Variants in PWP2 observed in about 807,000 individuals in gnomAD.
PWP2 encodes the protein periodic tryptophan protein 2 homolog.
For missense variants in PWP2, 35 were observed against 114.1 expected (o/e 0.31, Z 3.16); for synonymous variants, 24 against 45.4 (o/e 0.53, Z 1.89).
intron 20 of PWP2, among the ~76,000 whole-genome samples, chr21:44,128,922 G>A (rs1326748564): frequency 1.3e-5 from 1 of 74,430 alleles, no homozygotes; most frequent in African/African-American, 2.9e-5. Context: ...TGCCGCATTC[G>A]TAGGACCAGG....
intron 1 of PWP2, 63 bp from the exon 2 acceptor site, chr21:44,108,921 C>G (rs1246226644): frequency 1.4e-5 from 3 of 211,996 alleles, no homozygotes; most frequent in African/African-American, 3.2e-5. Flanking sequence ...AGATGCCTCA[C>G]TTAGTGCTTT....
intron 20 of PWP2, among the ~76,000 whole-genome samples, chr21:44,128,873 T>G (rs1816789112): frequency 1.3e-5 from 1 of 75,216 alleles, no homozygotes; most frequent in Admixed American, 1.4e-4. Flanking sequence ...GGTGGCGCGC[T>G]CCAGGTGCGG....
In PWP2 at chr21:44,116,985, C is replaced by T. The variant is rs1026883905; in HGVS notation, c.837-835C>T. Reference sequence around the variant, plus strand: ...CCTGGGTCTGAGGAGCAGGGAGGGCCGGCTGGACTCCAGTGGGAGGAGGGT... The same window carrying T: ...CCTGGGTCTGAGGAGCAGGGAGGGCTGGCTGGACTCCAGTGGGAGGAGGGT... On this transcript the variant is annotated intron_variant, in intron 7 of 20. Coordinates refer to ENST00000291576, the MANE Select transcript of PWP2 (RefSeq NM_005049.3). Among the ~76,000 whole-genome samples the T allele has an allele frequency of 1.4e-4, 4 of 27,896 alleles. 1 individual carries two copies. Among genetic ancestry groups the T allele is most frequent in the African/African-American group, 2.6e-4 (4 of 15,246 alleles). 18.3% of individuals were successfully genotyped at this position (27,896 alleles called of 152,430 possible).
At position 44,119,430 on chromosome 21, in the gene PWP2, C is replaced by T. The variant is rs145949707; in HGVS notation, c.1095C>T (p.Tyr365=). ...TGTGGGAGTGGCAGAGTGAGTCCTA[C>T]GTGCTCAAGCAGCAGGGCCACTTCA... is the stretch of plus-strand genomic sequence containing the variant. ...LLVWEWQSES[Y]VLKQQGHFNS... is the part of the protein sequence containing the mutation. The change falls in exon 10 of 21, where the codon TAC becomes TAT. Residue 365 remains tyrosine, a synonymous_variant. Coordinates refer to ENST00000291576, the MANE Select transcript of PWP2 (RefSeq NM_005049.3). 43 of 537,984 alleles carry T rather than the reference C, an allele frequency of 8.0e-5. 13 individuals are homozygous for T. The highest frequency in any genetic ancestry group is 4.0e-4 in the African/African-American group (24 of 59,740). The allele number at this position is 537,984 out of a possible 1,614,324, so 33.3% of individuals were successfully genotyped here.
At chr21:44,119,622 C>T in intron 10 of PWP2, 99 bp downstream of exon 10, 1 of 193,118 alleles carries the variant, frequency 5.2e-6, no homozygotes, top group Non-Finnish European at 1.1e-5. Context: ...CTGGTGTTCA[C>T]AGCTTCACCC....
chr21:44,124,744 G>A lies in PWP2; in HGVS notation c.1965+17G>A. 5.7e-6 allele frequency: 3 copies of A among 522,264 alleles called. 1 individual carries two copies. Among genetic ancestry groups the A allele is most frequent in the Non-Finnish European group, 8.2e-6 (3 of 365,574 alleles). The allele number at this position is 522,264 out of a possible 1,614,324, so 32.4% of individuals were successfully genotyped here. The stretch of plus-strand genomic sequence containing the variant: ...GCCATGGAGGTGAGCCGCCAGCGCG[G>A]GGCCGGATGGATGTTGCTTCCAATG... On this transcript the variant is annotated intron_variant, in intron 15 of 20. Coordinates refer to ENST00000291576, the MANE Select transcript of PWP2 (RefSeq NM_005049.3).
In PWP2 at chr21:44,127,935, G is replaced by A. The variant is rs373315890; in HGVS notation, c.2144G>A (p.Arg715His). 2 of 102,204 alleles carry A rather than the reference G, an allele frequency of 2.0e-5. No individual in the cohort carries two copies. Among genetic ancestry groups the A allele is most frequent in the East Asian group, 1.3e-4 (1 of 7,476 alleles). The allele number at this position is 102,204 out of a possible 1,614,324, so 6.3% of individuals were successfully genotyped here. Residue 715 changes from arginine (R) to histidine (H), a missense_variant, in exon 18 of 21, where the codon CGC (arginine) becomes CAC (histidine). Transcript: ENST00000291576. Reference protein sequence around the residue: ...VTSLRFSPTGRCWAATTTEGL... With the variant: ...VTSLRFSPTGHCWAATTTEGL... ...AAAGCACTGCTTAATTTCCCAGGGCGCTGCTGGGCGGCCACCACCACGGAG... is the reference window on the plus strand; with the variant it reads ...AAAGCACTGCTTAATTTCCCAGGGCACTGCTGGGCGGCCACCACCACGGAG...
chr21:44,119,151 G>A lies in PWP2; in HGVS notation c.1052-236G>A, dbSNP rs1335955725. ...CTTAAGCCCCTTGCTCAGGGGTCGG[G>A]GGTCATAGCCTGCCTCAGTTGTGAC... On this transcript the variant is annotated intron_variant, in intron 9 of 20. Transcript: ENST00000291576. 3.0e-5 allele frequency: 6 copies of A among 198,382 alleles called. 2 individuals carry two copies. The highest frequency in any genetic ancestry group is 1.5e-4 in the East Asian group (2 of 13,090). The allele number at this position is 198,382 out of a possible 1,614,324, so 12.3% of individuals were successfully genotyped here.
In PWP2 at chr21:44,109,014, C is replaced by T. The variant is rs1247834516; in HGVS notation, c.49C>T (p.Arg17Cys). The change falls in exon 2 of 21, where the codon CGT becomes TGT. Residue 17 changes from arginine to cysteine, a missense_variant. Arg to Cys is a radical substitution (Grantham distance 180). Coordinates refer to ENST00000291576, the MANE Select transcript of PWP2 (RefSeq NM_005049.3). ...FSNLLGTVYR[R>C]GNLNFTCDGN... ...AAATTTGCTGGGTACGGTGTACCGG[C>T]GTGGGAACCTAAATTTTACCTGCGA... 4 of 589,798 alleles carry T rather than the reference C, an allele frequency of 6.8e-6. 1 individual carries two copies. Among genetic ancestry groups the T allele is most frequent in the African/African-American group, 1.6e-5 (1 of 62,730 alleles). 36.5% of individuals were successfully genotyped at this position (589,798 alleles called of 1,614,324 possible). A position where few individuals can be genotyped will look rare whatever the true frequency, so the allele number is the denominator to read the frequency against.
In PWP2 at chr21:44,119,387, G is replaced by C; in HGVS notation, c.1052G>C (p.Gly351Ala). Residue 351 changes from glycine to alanine, a missense_variant and splice_region_variant, in exon 10 of 21, where the codon GGC (glycine) becomes GCC (alanine). Gly to Ala is a moderately conservative substitution (Grantham distance 60). Transcript: ENST00000291576. Reference protein sequence around the residue: ...SGDWIAFGCSGLGQLLVWEWQ... With the variant: ...SGDWIAFGCSALGQLLVWEWQ... ...ACCCCAGCTTCCCCCGTGTGCACAG[G>C]CCTGGGCCAGCTGCTGGTGTGGGAG... 2 of 573,076 alleles carry C rather than the reference G, an allele frequency of 3.5e-6. 1 individual carries two copies. The highest frequency in any genetic ancestry group is 5.4e-6 in the Non-Finnish European group (2 of 371,680). The allele number at this position is 573,076 out of a possible 1,614,324, so 35.5% of individuals were successfully genotyped here.
Sources: gnomAD v4.1 joint callset for allele counts (sites outside exome capture counted in the v4.1 genomes callset) on GRCh38, gnomAD v4.1.1 for gene constraint, MANE v1.5 for transcripts, NCBI Gene and HGNC (gene_info 2026-07-23, HGNC 2026-07-21) for gene names.